The following NFX1 variants were observed in gnomAD, a reference collection of about 807,000 sequenced individuals.
NFX1 encodes nuclear transcription factor, X-box binding 1, also known as transcriptional repressor NF-X1.
In NFX1, 69 loss-of-function variants were observed where a neutral mutation model predicts 137.2. The observed-to-expected ratio is 0.50, with a 90% CI of 0.41 to 0.61. The LOEUF is 0.61. NFX1 is among the 20% of genes least tolerant of loss of function. NFX1 has a pLI of 0.00. For synonymous variants in NFX1, 495 were observed against 474.1 expected, an observed-to-expected ratio of 1.04 and a Z score of -0.57; for missense variants, 1,167 against 1,391.0, an observed-to-expected ratio of 0.84 and a Z score of 2.56.
chr9:33,328,659 G>C lies in NFX1; in HGVS notation c.1985G>C (p.Arg662Thr). 1 of 1,611,382 alleles carries C rather than the reference G, an allele frequency of 6.2e-7. No homozygotes were observed. Among genetic ancestry groups the C allele is most frequent in the African/African-American group, 1.3e-5 (1 of 75,048 alleles). The change falls in exon 10 of 24, where the codon AGA becomes ACA. Residue 662 changes from arginine to threonine, a missense_variant. By Grantham distance (71) the Arg-to-Thr change is moderately conservative. This residue lies in a region of NFX1 where 488 missense variants were observed against 691.5 expected (regional missense o/e 0.71). Coordinates refer to ENST00000379540, the MANE Select transcript of NFX1 (RefSeq NM_002504.6). ...TCTCGCACATCAGTTATTTCCTGCA[G>C]ATGCTCTTTCAGAACAAAGGTAAAT... ...PCSRTSVISCRCSFRTKELPC... is the reference protein window; with the variant it reads ...PCSRTSVISCTCSFRTKELPC...
intron 21 of NFX1, among the ~76,000 whole-genome samples, chr9:33,366,187 C>A (rs1824164057): frequency 6.6e-6 from 1 of 152,078 alleles, no homozygotes; most frequent in African/African-American, 2.4e-5. Flanking sequence ...ATTAAGAAAC[C>A]CCAACAGATG....
intron 1 of NFX1, among the ~76,000 whole-genome samples, chr9:33,291,191 A>G (rs1205744126): frequency 6.6e-6 from 1 of 152,172 alleles, no homozygotes; most frequent in African/African-American, 2.4e-5. Context: ...AGACAGCCTC[A>G]TTTGTTCGTT....
intron 3 of NFX1, among the ~76,000 whole-genome samples, chr9:33,302,659 T>C (rs908506761): frequency 4.0e-5 from 6 of 151,218 alleles, no homozygotes; most frequent in African/African-American, 1.5e-4. Flanking sequence ...AGCTAGTGGT[T>C]TTTTTTTGTT....
rs2118719841 is a variant in NFX1 at position 33,370,046 on chromosome 9, A to G, written c.*68A>G. On this transcript the variant is annotated 3_prime_UTR_variant, in exon 24 of 24. Coordinates refer to ENST00000379540, the MANE Select transcript of NFX1 (RefSeq NM_002504.6). The stretch of plus-strand genomic sequence containing the variant: ...TGGAGACTTATTTGCCAGCAGATAA[A>G]TCATGCCCGTTCCCCTCTGCCTGGC... The G allele has an allele frequency of 8.2e-7, 1 of 1,222,328 alleles. No individual in the cohort carries two copies. The highest frequency in any genetic ancestry group is 1.8e-5 in the Admixed American group (1 of 54,478). 75.7% of individuals were successfully genotyped at this position (1,222,328 alleles called of 1,614,324 possible). A position where few individuals can be genotyped will look rare whatever the true frequency, so the allele number is the denominator to read the frequency against.
chr9:33,296,011 A>C (rs949639031), intron 2 of NFX1, among the ~76,000 whole-genome samples: 7 of 151,872 alleles, frequency 4.6e-5, no homozygotes, highest in African/African-American at 1.7e-4. Flanking sequence ...GCTCACTGCA[A>C]CTCCTCCTGG....
intron 12 of NFX1, 81 bp downstream of exon 12, chr9:33,338,670 C>A: frequency 7.9e-7 from 1 of 1,269,580 alleles, no homozygotes; most frequent in Non-Finnish European, 1.1e-6. Flanking sequence ...GTGGAGAATG[C>A]AGCCCGGATT....
intron 17 of NFX1, 136 bp from the exon 18 acceptor site, chr9:33,353,950 A>G (rs1823729674): frequency 1.4e-6 from 1 of 711,710 alleles, no homozygotes; most frequent in Non-Finnish European, 2.2e-6. Context: ...TTGGTTTCCC[A>G]AAGTGCTGGG....
chr9:33,294,365 G>A, intron 1 of NFX1, 55 bp from the exon 2 acceptor site: 3 of 1,470,668 alleles, frequency 2.0e-6, no homozygotes, highest in East Asian at 2.3e-5. Context: ...GAGTCTATGA[G>A]TTTCATGGAT....
intron 2 of NFX1, among the ~76,000 whole-genome samples, chr9:33,299,794 T>C (rs1821487387): frequency 6.6e-6 from 1 of 152,178 alleles, no homozygotes; most frequent in African/African-American, 2.4e-5. Context: ...ACACTGGAAA[T>C]ACTACACTCA....
chr9:33,322,684 A>C (rs897958139), intron 9 of NFX1, among the ~76,000 whole-genome samples: 2 of 152,166 alleles, frequency 1.3e-5, no homozygotes, highest in Non-Finnish European at 2.9e-5. Context: ...AGAGGCTACT[A>C]TCCCACCCAG....
chr9:33,331,814 G>A (rs1304104427), intron 10 of NFX1, among the ~76,000 whole-genome samples: 1 of 151,694 alleles, frequency 6.6e-6, no homozygotes, highest in Non-Finnish European at 1.5e-5. Flanking sequence ...TGTAGAAGCC[G>A]GGCAGCTAGC....
chr9:33,301,965 G>A (rs907133938), intron 3 of NFX1, among the ~76,000 whole-genome samples: 7 of 152,152 alleles, frequency 4.6e-5, no homozygotes, highest in South Asian at 2.1e-4. Context: ...CCAGCTACTC[G>A]GGAGGCTGAG....
intron 15 of NFX1, among the ~76,000 whole-genome samples, chr9:33,349,478 AAT>A (rs1462468589): frequency 2.6e-5 from 4 of 152,196 alleles, no homozygotes; most frequent in Non-Finnish European, 5.9e-5. Flanking sequence ...ATTCTACTAA[AAT>A]ATGGATTCCA....
intron 12 of NFX1, among the ~76,000 whole-genome samples, chr9:33,340,110 G>A (rs558257484): frequency 6.6e-6 from 1 of 152,228 alleles, no homozygotes; most frequent in Non-Finnish European, 1.5e-5. Flanking sequence ...GGGACTCCGT[G>A]TGGGGGCTGC....
intron 4 of NFX1, 47 bp from the exon 5 acceptor site, chr9:33,307,147 T>C (rs756544379): frequency 6.1e-6 from 9 of 1,470,912 alleles, no homozygotes; most frequent in Non-Finnish European, 8.5e-6. Flanking sequence ...AAGTTGAGAA[T>C]GTGGTTGAAG....
intron 3 of NFX1, 39 bp downstream of exon 3, chr9:33,301,460 A>C: frequency 1.9e-6 from 3 of 1,594,938 alleles, no homozygotes; most frequent in Non-Finnish European, 2.6e-6. Context: ...ATTCTCCCCT[A>C]TTTGATACGT....
At chr9:33,311,941 C>G (rs1322036605) in intron 6 of NFX1, among the ~76,000 whole-genome samples, 2 of 152,162 alleles carry the variant, frequency 1.3e-5, no homozygotes, top group Non-Finnish European at 2.9e-5. Context: ...TTTCCTGTGC[C>G]TAGCACAGTA....
intron 23 of NFX1, among the ~76,000 whole-genome samples, chr9:33,368,897 C>T (rs1412918860): frequency 6.6e-6 from 1 of 152,098 alleles, no homozygotes; most frequent in Admixed American, 6.5e-5. Context: ...CCTCTCCACT[C>T]CTGGGAGCCA....
intron 9 of NFX1, among the ~76,000 whole-genome samples, chr9:33,322,064 G>A (rs989969112): frequency 1.3e-5 from 2 of 151,814 alleles, no homozygotes; most frequent in Non-Finnish European, 2.9e-5. Context: ...AGCCAGGCAT[G>A]GTGGCACATG....
Sources: gnomAD v4.1 joint callset for allele counts (sites outside exome capture counted in the v4.1 genomes callset) on GRCh38, gnomAD v4.1.1 for gene constraint, gnomAD v4.1.1 regional missense constraint, MANE v1.5 for transcripts, NCBI Gene and HGNC (gene_info 2026-07-23, HGNC 2026-07-21) for gene names.